The following SMCO3 variants were observed in gnomAD, a reference collection of about 807,000 sequenced individuals.
SMCO3 encodes single-pass membrane protein with coiled-coil domains 3.
SMCO3 carries 6 observed loss-of-function variants against 12.0 expected under a neutral mutation model. That is an observed-to-expected ratio of 0.50 (90% CI 0.27 to 0.99). The LOEUF is 0.99. Ranked by LOEUF, SMCO3 falls within the 50% of genes least tolerant of loss-of-function variation. SMCO3 has a pLI of 0.11. For missense variants in SMCO3, 279 were observed against 265.0 expected (o/e 1.05, Z -0.37); for synonymous variants, 96 against 96.4 (o/e 1.00, Z 0.02).
At position 14,806,146 on chromosome 12, in the gene SMCO3, T is replaced by C; in HGVS notation, c.535A>G (p.Ile179Val). 1 of 1,614,178 alleles carries C rather than the reference T, an allele frequency of 6.2e-7. No individual in the cohort carries two copies. The highest frequency in any genetic ancestry group is 8.5e-7 in the Non-Finnish European group (1 of 1,180,042). Reference protein sequence around the residue: ...GLGIDMIVRAILGAVEKTQLQ... With the variant: ...GLGIDMIVRAVLGAVEKTQLQ... ...TGTGTTTTTTCCACTGCTCCCAGGATGGCACGGACAATCATATCTATGCCA... is the reference window on the plus strand; with the variant it reads ...TGTGTTTTTTCCACTGCTCCCAGGACGGCACGGACAATCATATCTATGCCA... The change falls in exon 2 of 2, where the codon ATC becomes GTC. Residue 179 changes from isoleucine (I) to valine (V), a missense_variant. Coordinates refer to ENST00000316048, the MANE Select transcript of SMCO3 (RefSeq NM_001013698.2).
intron 1 of SMCO3, among the ~76,000 whole-genome samples, chr12:14,810,167 G>A (rs1227412800): frequency 1.3e-5 from 2 of 152,046 alleles, no homozygotes; most frequent in African/African-American, 4.8e-5. Context: ...TTTTCCTTGG[G>A]TGGGGAGTGG....
chr12:14,807,569 A>G (rs1950072862), intron 1 of SMCO3, among the ~76,000 whole-genome samples: 1 of 152,194 alleles, frequency 6.6e-6, no homozygotes, highest in Admixed American at 6.5e-5. Context: ...TCTACAGGCA[A>G]GTTATTTGTT....
At chr12:14,810,033 AT>A in intron 1 of SMCO3, among the ~76,000 whole-genome samples, 1 of 152,336 alleles carries the variant, frequency 6.6e-6, no homozygotes, top group Middle Eastern at 3.4e-3. Flanking sequence ...GGATCTAGAC[AT>A]CAGTTCATGA....
chr12:14,806,513 C>T lies in SMCO3; in HGVS notation c.168G>A (p.Met56Ile). 6.2e-7 allele frequency: 1 copy of T among 1,614,118 alleles called. No homozygotes were observed. Among genetic ancestry groups the T allele is most frequent in the Non-Finnish European group, 8.5e-7 (1 of 1,180,030 alleles). The change falls in exon 2 of 2, where the codon ATG (methionine) becomes ATA (isoleucine). Residue 56 changes from methionine (M) to isoleucine (I), a missense_variant. Transcript: ENST00000316048. ...HLGCRLASIE[M>I]KRDGTIKENC... ...TTTCTTTGATGGTCCCATCTCTTTTCATCTCAATGGAGGCCAGCCTGCACC... is the reference window on the plus strand; with the variant it reads ...TTTCTTTGATGGTCCCATCTCTTTTTATCTCAATGGAGGCCAGCCTGCACC...
chr12:14,808,306 G>C (rs900505736), intron 1 of SMCO3, among the ~76,000 whole-genome samples: 3 of 152,034 alleles, frequency 2.0e-5, no homozygotes, highest in Admixed American at 2.0e-4. Context: ...CTAAATTTGA[G>C]CCAGTAAGAG....
chr12:14,806,691 T>G lies in SMCO3; in HGVS notation c.-11A>C. Reference sequence around the variant, plus strand: ...GTCACTTTGGGCCATATTTCCAATATGATCGCTGAAAAATAAAATGGTAAA... The same window carrying G: ...GTCACTTTGGGCCATATTTCCAATAGGATCGCTGAAAAATAAAATGGTAAA... On this transcript the variant is annotated 5_prime_UTR_variant, in exon 2 of 2. Coordinates refer to ENST00000316048, the MANE Select transcript of SMCO3 (RefSeq NM_001013698.2). The G allele has an allele frequency of 6.4e-7, 1 of 1,564,228 alleles. No individual in the cohort carries two copies.
chr12:14,808,061 G>T (rs1950080486), intron 1 of SMCO3, among the ~76,000 whole-genome samples: 1 of 152,142 alleles, frequency 6.6e-6, no homozygotes, highest in East Asian at 1.9e-4. Context: ...AGCTACTCTG[G>T]AGACTGAGGC....
rs1234698728 is a variant in SMCO3, at chr12:14,813,685, A to AGG, written c.-17+439_-17+440dup. Among the ~76,000 whole-genome samples, 3 of 152,344 alleles carry AGG rather than the reference A, an allele frequency of 2.0e-5. No homozygotes were observed. The East Asian group carries it at 5.8e-4, about 29-fold the overall frequency. On this transcript the variant is annotated intron_variant, in intron 1 of 1. Transcript: ENST00000316048. Reference sequence around the variant, plus strand: ...TATTTAGATACAACATAATTTATGAAGGAGTATAAGTACTATACATTAACC... The same window carrying AGG: ...TATTTAGATACAACATAATTTATGAAGGGGAGTATAAGTACTATACATTAACC...
intron 1 of SMCO3, among the ~76,000 whole-genome samples, chr12:14,813,120 GT>G (rs1397354007): frequency 1.3e-5 from 2 of 152,140 alleles, no homozygotes; most frequent in Non-Finnish European, 2.9e-5. Flanking sequence ...GTACATGGGA[GT>G]TTATTATATT....
intron 1 of SMCO3, among the ~76,000 whole-genome samples, chr12:14,807,562 A>G (rs1950072685): frequency 6.6e-6 from 1 of 152,190 alleles, no homozygotes; most frequent in Non-Finnish European, 1.5e-5. Flanking sequence ...ATATATCTCT[A>G]CAGGCAAGTT....
chr12:14,811,545 G>T (rs1016275426), intron 1 of SMCO3, among the ~76,000 whole-genome samples: 3 of 152,190 alleles, frequency 2.0e-5, no homozygotes. Context: ...GGAGACAAAG[G>T]TTAGCTTGAG....
chr12:14,811,710 T>C (rs1249768527), intron 1 of SMCO3, among the ~76,000 whole-genome samples: 3 of 152,248 alleles, frequency 2.0e-5, no homozygotes, highest in Admixed American at 6.5e-5. Context: ...TTTTAGTTTT[T>C]CAGAAAAGGA....
intron 1 of SMCO3, among the ~76,000 whole-genome samples, chr12:14,809,331 T>C (rs532607224): frequency 6.6e-6 from 1 of 152,292 alleles, no homozygotes; most frequent in South Asian, 2.1e-4. Flanking sequence ...AATCGTAAAA[T>C]GTATCTGAAA....
intron 1 of SMCO3, among the ~76,000 whole-genome samples, chr12:14,808,030 G>A (rs1950080154): frequency 6.6e-6 from 1 of 152,166 alleles, no homozygotes; most frequent in Non-Finnish European, 1.5e-5. Flanking sequence ...GTTGGGTGTG[G>A]TGGTGCATGC....
rs1276863846 is a variant in SMCO3, at chr12:14,806,401, T to C, written c.280A>G (p.Thr94Ala). 2 of 1,614,110 alleles carry C rather than the reference T, an allele frequency of 1.2e-6. No homozygotes were observed. The highest frequency in any genetic ancestry group is 3.3e-5 in the Admixed American group (2 of 60,010). ...ATATCCTGAAGTTTTCTATAGAGGG[T>C]TGGCTCTAGCTTATCTTTTAGTGCT... ...DEALKDKLEP[T>A]LYRKLQDIKE... Residue 94 changes from threonine (T) to alanine (A), a missense_variant, in exon 2 of 2, where the codon ACC (threonine) becomes GCC (alanine). Physicochemically the swap from Thr to Ala is moderately conservative, Grantham distance 58 (BLOSUM62 0). Coordinates refer to ENST00000316048, the MANE Select transcript of SMCO3 (RefSeq NM_001013698.2).
At chr12:14,809,930 G>A (rs537698184) in intron 1 of SMCO3, among the ~76,000 whole-genome samples, 1 of 152,306 alleles carries the variant, frequency 6.6e-6, no homozygotes, top group Non-Finnish European at 1.5e-5. Context: ...AAATCAAAGT[G>A]TAAGACATTG....
chr12:14,806,129 T>C lies in SMCO3; in HGVS notation c.552A>G (p.Glu184=). Residue 184 remains glutamate (E), a synonymous_variant, in exon 2 of 2, where the codon GAA becomes GAG. Coordinates refer to ENST00000316048, the MANE Select transcript of SMCO3 (RefSeq NM_001013698.2). ...TGATGGCTGCTTGAAGCTGTGTTTT[T>C]TCCACTGCTCCCAGGATGGCACGGA... ...MIVRAILGAV[E]KTQLQAAIKS... The C allele has an allele frequency of 6.2e-7, 1 of 1,614,172 alleles. No individual in the cohort carries two copies. Among genetic ancestry groups the C allele is most frequent in the South Asian group, 1.1e-5 (1 of 91,082 alleles).
chr12:14,814,095 C>T (rs1435476968), intron 1 of SMCO3, 31 bp downstream of exon 1: 1 of 152,142 alleles, frequency 6.6e-6, no homozygotes, highest in African/African-American at 2.4e-5. Flanking sequence ...AGTATTATAT[C>T]AATACTAATA....
chr12:14,813,816 C>G (rs1950177668), intron 1 of SMCO3, among the ~76,000 whole-genome samples: 1 of 152,154 alleles, frequency 6.6e-6, no homozygotes, highest in Admixed American at 6.5e-5. Context: ...TTCACACATT[C>G]ACACAGGTAT....
Sources: allele counts gnomAD v4.1 joint callset (sites outside exome capture counted in the v4.1 genomes callset), GRCh38; gene constraint gnomAD v4.1.1; transcripts MANE v1.5; gene names NCBI Gene and HGNC (gene_info 2026-07-23, HGNC 2026-07-21).